Variants in MEIS2 observed in about 807,000 individuals in gnomAD.
MEIS2 encodes the protein Meis homeobox 2.
MEIS2 carries 9 observed loss-of-function variants against 58.6 expected under a neutral mutation model. That is an observed-to-expected ratio of 0.15 (90% CI 0.09 to 0.27). The LOEUF (loss-of-function observed/expected upper bound fraction) is 0.27, where lower values mean the gene tolerates loss of function less well. Ranked by LOEUF, MEIS2 falls within the 10% of genes least tolerant of loss-of-function variation. MEIS2 has a pLI of 1.00. For missense variants in MEIS2, 427 were observed against 635.0 expected, an observed-to-expected ratio of 0.67 and a Z score of 3.52; for synonymous variants, 221 against 228.4, an observed-to-expected ratio of 0.97 and a Z score of 0.29.
In MEIS2 at chr15:36,957,615, C is replaced by T. The variant is rs75846394; in HGVS notation, c.901-7215G>A. Among the ~76,000 whole-genome samples, 450 of 152,308 alleles carry T rather than the reference C, an allele frequency of 3.0e-3. 1 individual carries two copies. Among genetic ancestry groups the T allele is most frequent in the African/African-American group, 0.01 (420 of 41,566 alleles). On this transcript the variant is annotated intron_variant, in intron 8 of 11. Coordinates refer to ENST00000561208, the MANE Select transcript of MEIS2 (RefSeq NM_170675.5). ...TCCTCCTCTCTTGTGTTTTTATTCA[C>T]TTCATATTGTCTTTTATGTATACAT...
rs987970014 is a variant in MEIS2, at chr15:36,892,423, C to A, written c.1184G>T (p.Gly395Val). ...QSMPGDYVSQGGPMGMSMAQP... is the reference protein window; with the variant it reads ...QSMPGDYVSQVGPMGMSMAQP... The stretch of plus-strand genomic sequence containing the variant: ...TGCCATACTCATTCCCATAGGACCA[C>A]CCTGAGAAACGTAGTCCCCTGGCAT... The change falls in exon 12 of 12, where the codon GGT becomes GTT. Residue 395 changes from glycine (G) to valine (V), a missense_variant. By Grantham distance (109) the Gly-to-Val change is moderately radical. Coordinates refer to ENST00000561208, the MANE Select transcript of MEIS2 (RefSeq NM_170675.5). The A allele has an allele frequency of 6.8e-6, 11 of 1,613,494 alleles. No individual in the cohort carries two copies. Among genetic ancestry groups the A allele is most frequent in the Non-Finnish European group, 9.3e-6 (11 of 1,179,914 alleles).
chr15:37,094,506 G>C (rs376315943), intron 5 of MEIS2, 21 bp downstream of exon 5: 4 of 1,610,322 alleles, frequency 2.5e-6, no homozygotes, highest in Non-Finnish European at 3.4e-6. Flanking sequence ...ATCAACACGG[G>C]GAGCGTTATT....
intron 8 of MEIS2, among the ~76,000 whole-genome samples, chr15:37,006,784 C>A (rs2060938789): frequency 6.6e-6 from 1 of 152,172 alleles, no homozygotes; most frequent in Non-Finnish European, 1.5e-5. Context: ...AAAACAAACT[C>A]CTGTTGGCTA....
chr15:36,940,227 A>T (rs1186192718), intron 9 of MEIS2, among the ~76,000 whole-genome samples: 1 of 152,202 alleles, frequency 6.6e-6, no homozygotes, highest in Non-Finnish European at 1.5e-5. Context: ...CTTTCAAATG[A>T]AATAGTCTTG....
chr15:37,032,199 T>C (rs2061957609), intron 8 of MEIS2, among the ~76,000 whole-genome samples: 1 of 152,188 alleles, frequency 6.6e-6, no homozygotes, highest in African/African-American at 2.4e-5. Flanking sequence ...TGTTTTCAAA[T>C]AAGAAGACCT....
In MEIS2 at chr15:36,965,047, G is replaced by T. The variant is rs373698795; in HGVS notation, c.901-14647C>A. ...AGAACCGAACGCAGGAAGCATTTGT[G>T]ACTTATTACTTGTTTGTGATCCAGG... is the stretch of plus-strand genomic sequence containing the variant. On this transcript the variant is annotated intron_variant, in intron 8 of 11. Transcript: ENST00000561208. Among the ~76,000 whole-genome samples, 534 of 152,274 alleles carry T rather than the reference G, an allele frequency of 3.5e-3. 1 individual carries two copies. The highest frequency in any genetic ancestry group is 0.012 in the African/African-American group (509 of 41,562).
At chr15:36,905,496 T>C (rs74011014) in intron 9 of MEIS2, among the ~76,000 whole-genome samples, 5,347 of 152,166 alleles carry the variant, frequency 0.035, 315 homozygotes, top group African/African-American at 0.12. Context: ...ATTGTATTCA[T>C]AGATGCTTTC....
At chr15:37,083,723 T>A in intron 7 of MEIS2, 48 bp downstream of exon 7, 1 of 1,506,120 alleles carries the variant, frequency 6.6e-7, no homozygotes, top group Non-Finnish European at 9.2e-7. Context: ...ATACTGAAGT[T>A]ATTTTAGTCA....
chr15:37,049,591 A>G (rs1329317562), intron 7 of MEIS2, among the ~76,000 whole-genome samples: 5 of 151,806 alleles, frequency 3.3e-5, no homozygotes, highest in African/African-American at 9.7e-5. Flanking sequence ...GGTTCAAGCA[A>G]TTCTTGTGCC....
chr15:36,894,452 G>T (rs529250302), intron 11 of MEIS2: 5 of 240,862 alleles, frequency 2.1e-5, no homozygotes, highest in Non-Finnish European at 4.0e-5. Context: ...GTCTGTGTTT[G>T]TGCACATTGG....
chr15:36,981,019 TCTC>T (rs1159656694), intron 8 of MEIS2, among the ~76,000 whole-genome samples: 2 of 152,274 alleles, frequency 1.3e-5, no homozygotes, highest in East Asian at 1.9e-4. Context: ...TTGTCAGGCT[TCTC>T]CTCAAAATCT....
chr15:37,094,816 T>C (rs979323828), intron 4 of MEIS2, among the ~76,000 whole-genome samples: 6 of 152,018 alleles, frequency 3.9e-5, no homozygotes, highest in Non-Finnish European at 7.4e-5. Flanking sequence ...AGCATTAATA[T>C]CTTTCCCCCT....
chr15:36,968,309 G>C (rs2141454385), intron 8 of MEIS2, among the ~76,000 whole-genome samples: 1 of 152,260 alleles, frequency 6.6e-6, no homozygotes, highest in African/African-American at 2.4e-5. Flanking sequence ...TTTCTTTGTA[G>C]GAAGAATCAG....
At chr15:36,972,802 T>A (rs973850677) in intron 8 of MEIS2, 27 of 149,292 alleles carry the variant, frequency 1.8e-4, no homozygotes, top group African/African-American at 4.9e-4. Context: ...AGAGATACAC[T>A]TTTTTTTTTC....
At chr15:36,982,202 T>C (rs1183907426) in intron 8 of MEIS2, among the ~76,000 whole-genome samples, 2 of 152,176 alleles carry the variant, frequency 1.3e-5, no homozygotes. Context: ...GACTGATACA[T>C]ACTCTCTTAG....
intron 8 of MEIS2, among the ~76,000 whole-genome samples, chr15:37,016,417 G>A (rs2061349718): frequency 6.6e-6 from 1 of 151,588 alleles, no homozygotes; most frequent in Non-Finnish European, 1.5e-5. Context: ...CCTCCAGTTT[G>A]CGAGAGCCAC....
chr15:36,920,196 C>T (rs1421465496), intron 9 of MEIS2, among the ~76,000 whole-genome samples: 1 of 152,016 alleles, frequency 6.6e-6, no homozygotes, highest in Non-Finnish European at 1.5e-5. Context: ...GTTGCCCAGG[C>T]TGGAGTACAA....
intron 8 of MEIS2, among the ~76,000 whole-genome samples, chr15:36,971,856 A>C (rs1005006960): frequency 6.6e-6 from 1 of 152,200 alleles, no homozygotes; most frequent in African/African-American, 2.4e-5. Context: ...AAGTGGCAGA[A>C]TATGCTCTCC....
intron 9 of MEIS2, among the ~76,000 whole-genome samples, chr15:36,902,986 T>G (rs1218248399): frequency 1.3e-5 from 2 of 152,120 alleles, no homozygotes; most frequent in Non-Finnish European, 1.5e-5. Context: ...AATATAATTA[T>G]TTTTATACAT....
Sources: allele counts gnomAD v4.1 joint callset (sites outside exome capture counted in the v4.1 genomes callset), GRCh38; gene constraint gnomAD v4.1.1; transcripts MANE v1.5; gene names NCBI Gene and HGNC (gene_info 2026-07-23, HGNC 2026-07-21).